SLC7A8: variants seen among roughly 807,000 people sequenced by gnomAD.
SLC7A8 encodes the protein large neutral amino acids transporter small subunit 2.
A neutral mutation model predicts 51.2 loss-of-function variants in SLC7A8; 30 were observed. The ratio of observed to expected loss-of-function variants is 0.59; its 90% confidence interval spans 0.44 to 0.80. The LOEUF is 0.80. SLC7A8 is among the 30% of genes least tolerant of loss of function. SLC7A8 has a pLI of 0.00. For missense variants in SLC7A8, 612 were observed against 674.4 expected, an observed-to-expected ratio of 0.91 and a Z score of 1.03; for synonymous variants, 257 against 275.8, an observed-to-expected ratio of 0.93 and a Z score of 0.67.
chr14:23,164,505 T>C (rs1185118571), intron 3 of SLC7A8, among the ~76,000 whole-genome samples: 1 of 152,204 alleles, frequency 6.6e-6, no homozygotes, highest in Non-Finnish European at 1.5e-5. Context: ...CATGGACTTG[T>C]CATTAGGCCC....
At chr14:23,176,563 C>T (rs958723739) in intron 1 of SLC7A8, among the ~76,000 whole-genome samples, 14 of 152,212 alleles carry the variant, frequency 9.2e-5, no homozygotes, top group South Asian at 6.2e-4. Flanking sequence ...CCATTTTTAA[C>T]GTACAGGTAA....
chr14:23,127,001 T>C lies in SLC7A8; in HGVS notation c.*176A>G. ...ACCCTGGGGTGAGAGGCTGGTTCTT[T>C]GGGTATGAATGTCAGTTTTTGTTTA... On this transcript the variant is annotated 3_prime_UTR_variant, in exon 11 of 11. Transcript: ENST00000316902. 1 of 736,768 alleles carries C rather than the reference T, an allele frequency of 1.4e-6. No individual in the cohort carries two copies. The allele number at this position is 736,768 out of a possible 1,614,324, so 45.6% of individuals were successfully genotyped here.
In SLC7A8 at chr14:23,183,025, A is replaced by G; in HGVS notation, c.-111T>C. The G allele has an allele frequency of 1.5e-6, 2 of 1,346,040 alleles. No individual in the cohort carries two copies. Among genetic ancestry groups the G allele is most frequent in the Non-Finnish European group, 2.1e-6 (2 of 954,474 alleles). The allele number at this position is 1,346,040 out of a possible 1,614,324, so 83.4% of individuals were successfully genotyped here. ...TAGAACGTCCTTTTCCGAAATAGGA[A>G]CCACTGCTACTCTCTAAAAAAGGCA... On this transcript the variant is annotated 5_prime_UTR_variant, in exon 1 of 11. Transcript: ENST00000316902.
At chr14:23,164,695 G>C (rs904157339) in intron 3 of SLC7A8, among the ~76,000 whole-genome samples, 6 of 152,046 alleles carry the variant, frequency 3.9e-5, no homozygotes, top group East Asian at 1.9e-4. Flanking sequence ...AAAAGTAATG[G>C]GGAAAAGAAA....
At chr14:23,157,498 G>C (rs1265016806) in intron 3 of SLC7A8, among the ~76,000 whole-genome samples, 1 of 152,128 alleles carries the variant, frequency 6.6e-6, no homozygotes, top group Non-Finnish European at 1.5e-5. Context: ...CCTCCTAAGG[G>C]AAAGCCCAAT....
chr14:23,177,020 G>C (rs1876957714), intron 1 of SLC7A8, among the ~76,000 whole-genome samples: 1 of 151,896 alleles, frequency 6.6e-6, no homozygotes, highest in Admixed American at 6.6e-5. Context: ...TTAGTTGGGA[G>C]ATAGTGGTCT....
intron 10 of SLC7A8, among the ~76,000 whole-genome samples, chr14:23,127,570 C>T (rs1232203174): frequency 6.6e-6 from 1 of 152,250 alleles, no homozygotes; most frequent in African/African-American, 2.4e-5. Flanking sequence ...CCACTGACCC[C>T]TAAGTCCAGG....
At position 23,165,357 on chromosome 14, in the gene SLC7A8, C is replaced by G; in HGVS notation, c.436G>C (p.Val146Leu). ...CAGGTGGGGAAGAGCGGCTGCAGCA[C>G]GTAGTTGGAGAAGGTGAGGGCGATG... Reference protein sequence around the residue: ...AVIALTFSNYVLQPLFPTCFP... With the variant: ...AVIALTFSNYLLQPLFPTCFP... Residue 146 changes from valine to leucine, a missense_variant, in exon 3 of 11, where the codon GTG (valine) becomes CTG (leucine). By Grantham distance (32) the Val-to-Leu change is conservative. Coordinates refer to ENST00000316902, the MANE Select transcript of SLC7A8 (RefSeq NM_012244.4). This position sits in a 1 kb window ranked among gnomAD's most constrained non-coding sequence, Gnocchi z 4.2. The G allele has an allele frequency of 3.7e-6, 6 of 1,603,616 alleles. No individual in the cohort carries two copies. Among genetic ancestry groups the G allele is most frequent in the Non-Finnish European group, 5.1e-6 (6 of 1,176,558 alleles).
At chr14:23,169,670 G>C (rs1198737447) in intron 1 of SLC7A8, among the ~76,000 whole-genome samples, 1 of 152,174 alleles carries the variant, frequency 6.6e-6, no homozygotes, top group Non-Finnish European at 1.5e-5. Context: ...ACCTCCCAAA[G>C]TGCTAGGATT....
At position 23,161,925 on chromosome 14, in the gene SLC7A8, T is replaced by TCAAAAA. The variant is rs57814296; in HGVS notation, c.508+3359_508+3360insTTTTTG. On this transcript the variant is annotated intron_variant, in intron 3 of 10. Transcript: ENST00000316902. ...CTGGGTGACAGAGTGAGACTCCATC[T>TCAAAAA]AAAAAAAAAAAAAAAAAAAGCATCT... Among the ~76,000 whole-genome samples the TCAAAAA allele has an allele frequency of 2.4e-4, 26 of 107,162 alleles. 10 individuals carry two copies. Among genetic ancestry groups the TCAAAAA allele is most frequent in the Non-Finnish European group, 2.4e-4 (13 of 54,500 alleles). 70.3% of individuals were successfully genotyped at this position (107,162 alleles called of 152,430 possible).
In SLC7A8 at chr14:23,143,217, A is replaced by AC. The variant is rs746170788; in HGVS notation, c.509-14dup. 1.2e-6 allele frequency: 2 copies of AC among 1,613,460 alleles called. No homozygotes were observed. Among genetic ancestry groups the AC allele is most frequent in the Admixed American group, 1.7e-5 (1 of 59,966 alleles). ...CATGTGAGGAGCACTGAAATGAAAG[A>AC]CCCCCAAACAGACCTTCAGGGGCTG... On this transcript the variant is annotated splice_polypyrimidine_tract_variant and intron_variant, in intron 3 of 10. Coordinates refer to ENST00000316902, the MANE Select transcript of SLC7A8 (RefSeq NM_012244.4).
chr14:23,164,940 G>A (rs1218462964), intron 3 of SLC7A8, among the ~76,000 whole-genome samples: 5 of 151,926 alleles, frequency 3.3e-5, no homozygotes, highest in East Asian at 3.9e-4. Flanking sequence ...TGCAGTGAGT[G>A]GAGATCACGC....
intron 1 of SLC7A8, among the ~76,000 whole-genome samples, chr14:23,169,088 C>A (rs1270362184): frequency 2.0e-5 from 3 of 152,188 alleles, no homozygotes; most frequent in Non-Finnish European, 4.4e-5. Context: ...GTGGCTCATG[C>A]CTGTAATCCC....
intron 3 of SLC7A8, among the ~76,000 whole-genome samples, chr14:23,154,040 A>G (rs1472417387): frequency 6.6e-6 from 1 of 152,232 alleles, no homozygotes; most frequent in Non-Finnish European, 1.5e-5. Flanking sequence ...GGAGCAGAAC[A>G]GAGAGAGGCC....
intron 1 of SLC7A8, among the ~76,000 whole-genome samples, chr14:23,168,350 C>T (rs1025706986): frequency 1.2e-4 from 18 of 152,216 alleles, no homozygotes; most frequent in African/African-American, 4.3e-4. Context: ...ACACGTTCCC[C>T]CTTCCAGTGA....
At chr14:23,180,199 C>T (rs1031950531) in intron 1 of SLC7A8, among the ~76,000 whole-genome samples, 1 of 152,202 alleles carries the variant, frequency 6.6e-6, no homozygotes, top group Non-Finnish European at 1.5e-5. Flanking sequence ...AGCCACCGCA[C>T]CCGGCCCTTT....
chr14:23,157,583 G>A (rs2048900789), intron 3 of SLC7A8, among the ~76,000 whole-genome samples: 1 of 152,136 alleles, frequency 6.6e-6, no homozygotes, highest in African/African-American at 2.4e-5. Flanking sequence ...CTAGTCTATG[G>A]TGTGGCTATA....
chr14:23,132,585 CACAA>C (rs1033642893), intron 7 of SLC7A8, among the ~76,000 whole-genome samples: 11 of 151,428 alleles, frequency 7.3e-5, no homozygotes, highest in African/African-American at 2.7e-4. Flanking sequence ...AATGAACAAA[CACAA>C]ACAAAAAAAC....
chr14:23,128,217 G>A lies in SLC7A8; in HGVS notation c.1264-21C>T. 2.5e-6 allele frequency: 4 copies of A among 1,613,590 alleles called. No homozygotes were observed. The highest frequency in any genetic ancestry group is 3.4e-6 in the Non-Finnish European group (4 of 1,179,768). ...TTGATCTGTGGAGCAGAGGCATGAG[G>A]CGTATGAACTGTGTAGGCCACGTGG... On this transcript the variant is annotated intron_variant, in intron 9 of 10. Coordinates refer to ENST00000316902, the MANE Select transcript of SLC7A8 (RefSeq NM_012244.4). This position sits in a 1 kb window ranked among gnomAD's most constrained non-coding sequence, Gnocchi z 4.3.
Sources: allele counts gnomAD v4.1 joint callset (sites outside exome capture counted in the v4.1 genomes callset), GRCh38; gene constraint gnomAD v4.1.1; non-coding constraint Gnocchi (gnomAD v3.1); transcripts MANE v1.5; gene names NCBI Gene and HGNC (gene_info 2026-07-23, HGNC 2026-07-21).